Variants in IFT43 observed in about 807,000 individuals in gnomAD.
IFT43 encodes the protein intraflagellar transport protein 43 homolog.
A neutral mutation model predicts 32.3 loss-of-function variants in IFT43; 33 were observed. The ratio of observed to expected loss-of-function variants is 1.02; its 90% CI spans 0.77 to 1.37. The LOEUF (loss-of-function observed/expected upper bound fraction) is 1.37. Among genes scored for constraint, IFT43 ranks in the 40% most tolerant of loss-of-function variants. The pLI, the probability that IFT43 is intolerant of heterozygous loss-of-function variation, is 0.00. For missense variants in IFT43, 274 were observed against 265.9 expected, an observed-to-expected ratio of 1.03 and a Z score of -0.21; for synonymous variants, 93 against 98.2, an observed-to-expected ratio of 0.95 and a Z score of 0.31.
At position 75,998,489 on chromosome 14, in the gene IFT43, G is replaced by A. The variant is rs186354883; in HGVS notation, c.147+9512G>A. On this transcript the variant is annotated intron_variant, in intron 2 of 8. Coordinates refer to ENST00000314067, the MANE Select transcript of IFT43 (RefSeq NM_001102564.3). Reference sequence around the variant, plus strand: ...AACAGACAGAAGCTGAGGACCACTTGTGTTTAGGAAACACATAGCCAAAAA... The same window carrying A: ...AACAGACAGAAGCTGAGGACCACTTATGTTTAGGAAACACATAGCCAAAAA... Among the ~76,000 whole-genome samples the A allele has an allele frequency of 2.0e-4, 31 of 152,342 alleles. 1 individual carries two copies. The highest frequency in any genetic ancestry group is 5.8e-4 in the African/African-American group (24 of 41,574).
chr14:76,067,222 C>T (rs1227692537), intron 5 of IFT43, among the ~76,000 whole-genome samples: 1 of 152,134 alleles, frequency 6.6e-6, no homozygotes, highest in Non-Finnish European at 1.5e-5. Flanking sequence ...AGAAGACAAG[C>T]ACTTTCTCCA....
At chr14:76,071,323 G>A (rs560183338) in intron 5 of IFT43, among the ~76,000 whole-genome samples, 144 of 152,294 alleles carry the variant, frequency 9.5e-4, no homozygotes, top group South Asian at 1.7e-3. Context: ...GCGTTATGCC[G>A]ACTGCTCTAC....
At chr14:76,016,425 C>T (rs1430886017) in intron 2 of IFT43, among the ~76,000 whole-genome samples, 9 of 152,056 alleles carry the variant, frequency 5.9e-5, no homozygotes, top group Non-Finnish European at 1.2e-4. Flanking sequence ...TGTTTTTATA[C>T]CAATATTATG....
Position 75,985,769 on chromosome 14 carries a change from C to T in IFT43, c.-18C>T. The T allele has an allele frequency of 6.2e-7, 1 of 1,614,104 alleles. No individual in the cohort carries two copies. Among genetic ancestry groups the T allele is most frequent in the Non-Finnish European group, 8.5e-7 (1 of 1,179,990 alleles). ...GGGCCAGTCGGTTTCCAGGAAGTGA[C>T]GTCAGGCGGCCGCGGAGATGGAGGA... is the stretch of plus-strand genomic sequence containing the variant. On this transcript the variant is annotated 5_prime_UTR_variant, in exon 1 of 9. The change creates a new upstream start codon in the 5' untranslated region. Transcript: ENST00000314067.
chr14:76,075,158 C>T (rs1054363907), intron 5 of IFT43, among the ~76,000 whole-genome samples: 2 of 152,206 alleles, frequency 1.3e-5, no homozygotes, highest in South Asian at 2.1e-4. Context: ...CAGGGCCACA[C>T]GCATGCTGCG....
Position 76,076,716 on chromosome 14 carries a change from G to A in IFT43, c.296-5579G>A, listed in dbSNP as rs141365029. 1,185 of 1,613,600 alleles carry A rather than the reference G, an allele frequency of 7.3e-4. 9 individuals carry two copies. In the African/African-American group the frequency reaches 0.014, roughly 18 times the overall value. ...GGTAGGCTTTTGACTGTCAGTCTAC[G>A]GGAACTGAAAAGGATCCTTCTGGGA... On this transcript the variant is annotated intron_variant, in intron 5 of 8. Transcript: ENST00000314067.
At chr14:76,021,799 C>G (rs2036296416) in intron 2 of IFT43, among the ~76,000 whole-genome samples, 1 of 152,132 alleles carries the variant, frequency 6.6e-6, no homozygotes, top group African/African-American at 2.4e-5. Context: ...TACCAAATAG[C>G]CCTCCAGAAA....
At chr14:76,023,847 A>G (rs1000569439) in intron 3 of IFT43, among the ~76,000 whole-genome samples, 1 of 152,246 alleles carries the variant, frequency 6.6e-6, no homozygotes, top group African/African-American at 2.4e-5. Flanking sequence ...AAGCATAGGA[A>G]TGTCAGCTTT....
In IFT43 at chr14:75,999,268, TA is replaced by T. The variant is rs1566699611; in HGVS notation, c.147+10292del. On this transcript the variant is annotated intron_variant, in intron 2 of 8. Transcript: ENST00000314067. The stretch of plus-strand genomic sequence containing the variant: ...ATATATATATATATATATATATATA[TA>T]TATGTATATATATTTTTTTTTTTTT... 7.3e-3 allele frequency among the ~76,000 whole-genome samples: 185 copies of T among 25,450 alleles called. 6 individuals carry two copies. The highest frequency in any genetic ancestry group is 0.024 in the African/African-American group (111 of 4,546). The allele number at this position is 25,450 out of a possible 152,430, so 16.7% of individuals were successfully genotyped here.
At chr14:76,080,282 GC>G (rs1377210652) in intron 5 of IFT43, among the ~76,000 whole-genome samples, 1 of 151,896 alleles carries the variant, frequency 6.6e-6, no homozygotes, top group Non-Finnish European at 1.5e-5. Context: ...CCCCACCAGC[GC>G]CGCTCTGAGC....
chr14:76,016,232 A>G (rs1016772151), intron 2 of IFT43, among the ~76,000 whole-genome samples: 3 of 152,096 alleles, frequency 2.0e-5, no homozygotes, highest in African/African-American at 7.2e-5. Context: ...TGATTTTTGT[A>G]TATGGTGAGA....
intron 2 of IFT43, among the ~76,000 whole-genome samples, chr14:76,000,836 TGA>T (rs945868621): frequency 6.6e-5 from 10 of 152,262 alleles, no homozygotes; most frequent in African/African-American, 2.2e-4. Context: ...TTTTTGAGAC[TGA>T]GAATTTAAGA....
At chr14:76,078,204 A>G (rs2037444323) in intron 5 of IFT43, among the ~76,000 whole-genome samples, 1 of 152,208 alleles carries the variant, frequency 6.6e-6, no homozygotes, top group Admixed American at 6.5e-5. Context: ...GTTAACAGTG[A>G]TTACTTCTAG....
chr14:76,037,773 A>G (rs2036629693), intron 3 of IFT43, among the ~76,000 whole-genome samples: 1 of 151,476 alleles, frequency 6.6e-6, no homozygotes, highest in East Asian at 1.9e-4. Context: ...GTAACAAGCG[A>G]GTGGTTACTA....
At chr14:76,007,826 A>T (rs2036008434) in intron 2 of IFT43, among the ~76,000 whole-genome samples, 1 of 152,214 alleles carries the variant, frequency 6.6e-6, no homozygotes, top group Admixed American at 6.5e-5. Context: ...ACCCAAGAAG[A>T]GGAAGAAGGG....
At chr14:76,071,341 A>G (rs1018233008) in intron 5 of IFT43, among the ~76,000 whole-genome samples, 9 of 152,238 alleles carry the variant, frequency 5.9e-5, no homozygotes, top group African/African-American at 2.2e-4. Flanking sequence ...TACCTGCCGT[A>G]CTTCAGTTAA....
At chr14:76,068,847 GATGCATGGGGCT>G in intron 5 of IFT43, among the ~76,000 whole-genome samples, 1 of 152,302 alleles carries the variant, frequency 6.6e-6, no homozygotes, top group East Asian at 1.9e-4. Flanking sequence ...GTGTGATTGT[GATGCATGGGGCT>G]AAGCATGGGG....
At chr14:76,038,741 A>C (rs2036650468) in intron 3 of IFT43, among the ~76,000 whole-genome samples, 2 of 152,218 alleles carry the variant, frequency 1.3e-5, no homozygotes, top group Admixed American at 1.3e-4. Context: ...AGTAGGGAAA[A>C]GTGTGAGATG....
intron 2 of IFT43, among the ~76,000 whole-genome samples, chr14:76,005,124 C>G (rs1404177694): frequency 6.6e-6 from 1 of 152,188 alleles, no homozygotes. Flanking sequence ...TTTCACACTT[C>G]TTCATATGTC....
Sources: allele counts gnomAD v4.1 joint callset (sites outside exome capture counted in the v4.1 genomes callset), GRCh38; gene constraint gnomAD v4.1.1; transcripts MANE v1.5; gene names NCBI Gene and HGNC (gene_info 2026-07-23, HGNC 2026-07-21).